The following APPBP2 variants were observed in gnomAD, a reference collection of about 807,000 sequenced individuals.
APPBP2 encodes the protein amyloid protein-binding protein 2.
In APPBP2, 15 loss-of-function variants were observed where a neutral mutation model predicts 76.0. That is an observed-to-expected ratio of 0.20 (90% CI 0.13 to 0.30). APPBP2 has a LOEUF of 0.30. Ranked by LOEUF, APPBP2 falls within the 10% of genes least tolerant of loss-of-function variation. APPBP2 has a pLI of 1.00. For synonymous variants in APPBP2, 222 were observed against 242.2 expected, an observed-to-expected ratio of 0.92 and a Z score of 0.77; for missense variants, 401 against 687.2, an observed-to-expected ratio of 0.58 and a Z score of 4.66.
At position 60,505,677 on chromosome 17, in the gene APPBP2, T is replaced by G. The variant is rs796217059; in HGVS notation, c.139-5190A>C. The stretch of plus-strand genomic sequence containing the variant: ...CCTAAAAGCCACCTGACCCCTGCGG[T>G]TTTTTTTTTTTTTTTTTTTTTTTTT... On this transcript the variant is annotated intron_variant, in intron 1 of 12. Coordinates refer to ENST00000083182, the MANE Select transcript of APPBP2 (RefSeq NM_006380.5). 1.1e-4 allele frequency among the ~76,000 whole-genome samples: 9 copies of G among 81,256 alleles called. No individual in the cohort carries two copies. The South Asian group carries it at 1.4e-3, about 12-fold the overall frequency. 53.3% of individuals were successfully genotyped at this position (81,256 alleles called of 152,430 possible).
chr17:60,452,465 T>C (rs2090402185), intron 11 of APPBP2, among the ~76,000 whole-genome samples: 1 of 152,200 alleles, frequency 6.6e-6, no homozygotes, highest in African/African-American at 2.4e-5. Context: ...GATCATAATA[T>C]GTTAATTTAC....
rs2090399022 is a variant in APPBP2 at position 60,452,028 on chromosome 17, G to A, written c.1356C>T (p.His452=). 2 of 1,612,288 alleles carry A rather than the reference G, an allele frequency of 1.2e-6. No individual in the cohort carries two copies. The highest frequency in any genetic ancestry group is 1.7e-6 in the Non-Finnish European group (2 of 1,179,630). The part of the protein sequence containing the change: ...MRKFKEAEEM[H]IKAIQIKEQL... Reference sequence around the variant, plus strand: ...GTTCTTTAATCTGAATTGCTTTGATGTGCATTTCTTCAGCTTCCTGAAAAA... The same window carrying A: ...GTTCTTTAATCTGAATTGCTTTGATATGCATTTCTTCAGCTTCCTGAAAAA... The change falls in exon 12 of 13, where the codon CAC becomes CAT. Residue 452 remains histidine, a synonymous_variant. Transcript: ENST00000083182.
Position 60,526,004 on chromosome 17 carries a change from C to G in APPBP2, c.-73G>C. On this transcript the variant is annotated 5_prime_UTR_variant, in exon 1 of 13. Coordinates refer to ENST00000083182, the MANE Select transcript of APPBP2 (RefSeq NM_006380.5). ...CCCCACCTCCCTCCGTAGCGAACCC[C>G]TCTGCGGCCCCGGAGGATTCGGAGG... The G allele has an allele frequency of 6.9e-7, 1 of 1,449,314 alleles. No homozygotes were observed. Among genetic ancestry groups the G allele is most frequent in the Non-Finnish European group, 9.3e-7 (1 of 1,071,546 alleles). The allele number at this position is 1,449,314 out of a possible 1,614,324, so 89.8% of individuals were successfully genotyped here.
chr17:60,464,067 C>T lies in APPBP2; in HGVS notation c.716G>A (p.Gly239Asp). Reference sequence around the variant, plus strand: ...ATCCACCACAACTTTCACTGGTAAGCCTGCTGTAATTTCTTTCATTGCCTC... The same window carrying T: ...ATCCACCACAACTTTCACTGGTAAGTCTGCTGTAATTTCTTTCATTGCCTC... ...CIEAMKEITA[G>D]LPVKVVVDVL... is the part of the protein sequence containing the mutation. The change falls in exon 6 of 13, where the codon GGC (glycine) becomes GAC (aspartate). Residue 239 changes from glycine to aspartate, a missense_variant. Transcript: ENST00000083182. The T allele has an allele frequency of 6.2e-7, 1 of 1,612,180 alleles. No individual in the cohort carries two copies. Among genetic ancestry groups the T allele is most frequent in the Non-Finnish European group, 8.5e-7 (1 of 1,179,294 alleles).
At chr17:60,467,850 G>C (rs190527650) in intron 4 of APPBP2, among the ~76,000 whole-genome samples, 34 of 152,176 alleles carry the variant, frequency 2.2e-4, no homozygotes, top group Admixed American at 1.7e-3. Flanking sequence ...GAGAAGGGAT[G>C]GGGGGAAATC....
At chr17:60,448,111 C>T (rs566700597) in intron 12 of APPBP2, among the ~76,000 whole-genome samples, 1 of 152,254 alleles carries the variant, frequency 6.6e-6, no homozygotes, top group African/African-American at 2.4e-5. Context: ...TTAAAGAGAT[C>T]TCAAAGAAGA....
rs2090356683 is a variant in APPBP2, at chr17:60,447,317, A to C, written c.*264T>G. On this transcript the variant is annotated 3_prime_UTR_variant, in exon 13 of 13. Transcript: ENST00000083182. ...AAAATGAATTTTTTAAAAACAACAA[A>C]AAAAAGATTTCCTGTTGTTTGTTCT... 1 of 328,974 alleles carries C rather than the reference A, an allele frequency of 3.0e-6. No individual in the cohort carries two copies. Among genetic ancestry groups the C allele is most frequent in the East Asian group, 4.8e-5 (1 of 20,850 alleles). 20.4% of individuals were successfully genotyped at this position (328,974 alleles called of 1,614,324 possible).
At chr17:60,489,785 C>T (rs879757147) in intron 3 of APPBP2, among the ~76,000 whole-genome samples, 1 of 152,118 alleles carries the variant, frequency 6.6e-6, no homozygotes, top group African/African-American at 2.4e-5. Context: ...CCTATAATCC[C>T]AGCACTTTTG....
rs1057018563 is a variant in APPBP2, at chr17:60,456,228, C to G, written c.1147+68G>C. 6.4e-6 allele frequency: 7 copies of G among 1,093,562 alleles called. 1 individual carries two copies. Among genetic ancestry groups the G allele is most frequent in the Non-Finnish European group, 9.7e-6 (7 of 722,836 alleles). 67.7% of individuals were successfully genotyped at this position (1,093,562 alleles called of 1,614,324 possible). A position where few individuals can be genotyped will look rare whatever the true frequency, so the allele number is the denominator to read the frequency against. ...TCCTCCAATCCTCTGAGAAAATAAA[C>G]AAATACCCCTATTTTATACCATATA... On this transcript the variant is annotated intron_variant, in intron 10 of 12. Coordinates refer to ENST00000083182, the MANE Select transcript of APPBP2 (RefSeq NM_006380.5).
In APPBP2 at chr17:60,446,266, CAT is replaced by C. The variant is rs1401566910; in HGVS notation, c.*1313_*1314del. ...TACCTTTTTGTTTCTTGAATTGCTA[CAT>C]GTCACAAATTCTTAAATTTGATTAT... On this transcript the variant is annotated 3_prime_UTR_variant, in exon 13 of 13. Transcript: ENST00000083182. 1 of 152,590 alleles carries C rather than the reference CAT, an allele frequency of 6.6e-6. No homozygotes were observed. The highest frequency in any genetic ancestry group is 1.9e-4 in the East Asian group (1 of 5,200). The allele number at this position is 152,590 out of a possible 1,614,324, so 9.5% of individuals were successfully genotyped here.
Position 60,490,730 on chromosome 17 carries a change from G to A in APPBP2, c.379+3736C>T, listed in dbSNP as rs564336524. 7.2e-5 allele frequency among the ~76,000 whole-genome samples: 11 copies of A among 152,206 alleles called. No individual in the cohort carries two copies. The South Asian group carries it at 2.3e-3, about 32-fold the overall frequency. On this transcript the variant is annotated intron_variant, in intron 3 of 12. Transcript: ENST00000083182. ...TGGTGGGAGATAACTGAATCATGGG[G>A]GCAGTCTCCCCAATACTGTTCTTGT...
intron 1 of APPBP2, among the ~76,000 whole-genome samples, chr17:60,517,658 C>G (rs755375594): frequency 6.6e-6 from 1 of 152,180 alleles, no homozygotes; most frequent in Non-Finnish European, 1.5e-5. Flanking sequence ...ATAGTGCTGT[C>G]TCACTTTTAT....
In APPBP2 at chr17:60,447,408, T is replaced by G; in HGVS notation, c.*173A>C. On this transcript the variant is annotated 3_prime_UTR_variant, in exon 13 of 13. Transcript: ENST00000083182. ...TACATGCTGAATATAACTGAATATA[T>G]GCTTATTCCTACAGACATTCTGCAA... is the stretch of plus-strand genomic sequence containing the variant. 1 of 636,416 alleles carries G rather than the reference T, an allele frequency of 1.6e-6. No homozygotes were observed. Among genetic ancestry groups the G allele is most frequent in the South Asian group, 2.3e-5 (1 of 43,388 alleles). The allele number at this position is 636,416 out of a possible 1,614,324, so 39.4% of individuals were successfully genotyped here. A position where few individuals can be genotyped will look rare whatever the true frequency, so the allele number is the denominator to read the frequency against.
At chr17:60,455,792 T>C (rs1308410505) in intron 10 of APPBP2, among the ~76,000 whole-genome samples, 3 of 151,792 alleles carry the variant, frequency 2.0e-5, no homozygotes, top group African/African-American at 7.3e-5. Flanking sequence ...GATTTTTTTT[T>C]CTTGAGACAG....
intron 9 of APPBP2, 64 bp downstream of exon 9, chr17:60,460,599 G>A: frequency 1.3e-6 from 2 of 1,531,960 alleles, no homozygotes; most frequent in Non-Finnish European, 1.8e-6. Context: ...TTCCCTAATG[G>A]GAAAAAACAA....
chr17:60,449,695 A>T (rs75376753), intron 12 of APPBP2, among the ~76,000 whole-genome samples: 7 of 129,080 alleles, frequency 5.4e-5, no homozygotes, highest in Non-Finnish European at 1.0e-4. Flanking sequence ...TTCACACCAT[A>T]AAAAAAAAAT....
intron 2 of APPBP2, among the ~76,000 whole-genome samples, chr17:60,498,325 G>C (rs1013032182): frequency 2.0e-5 from 3 of 152,124 alleles, no homozygotes; most frequent in East Asian, 3.8e-4. Context: ...CCAAGCTTCT[G>C]TTTGGGTTGT....
rs144987502 is a variant in APPBP2, at chr17:60,461,515, T to C, written c.936+295A>G. The C allele has an allele frequency of 4.3e-3, 1,145 of 267,334 alleles. 2 individuals are homozygous for C. The highest frequency in any genetic ancestry group is 9.0e-3 in the Middle Eastern group (8 of 884). 16.6% of individuals were successfully genotyped at this position (267,334 alleles called of 1,614,324 possible). ...TACTACAAAGGCAGTTTTAGTGACATTTGCTAAATCAACAACAAAGACAAG... is the reference window on the plus strand; with the variant it reads ...TACTACAAAGGCAGTTTTAGTGACACTTGCTAAATCAACAACAAAGACAAG... On this transcript the variant is annotated intron_variant, in intron 8 of 12. Coordinates refer to ENST00000083182, the MANE Select transcript of APPBP2 (RefSeq NM_006380.5).
At chr17:60,464,217 C>G (rs1437669434) in intron 5 of APPBP2, 107 bp from the exon 6 acceptor site, 2 of 725,160 alleles carry the variant, frequency 2.8e-6, no homozygotes, top group Non-Finnish European at 4.7e-6. Flanking sequence ...TAAGAACACA[C>G]ACAAAATATT....
Sources: allele counts gnomAD v4.1 joint callset (sites outside exome capture counted in the v4.1 genomes callset), GRCh38; gene constraint gnomAD v4.1.1; transcripts MANE v1.5; gene names NCBI Gene and HGNC (gene_info 2026-07-23, HGNC 2026-07-21).